The following KIRREL3 variants were observed in gnomAD, a reference collection of about 807,000 sequenced individuals.
KIRREL3 encodes the protein kin of IRRE-like protein 3.
Under a neutral mutation model 89.7 loss-of-function variants are expected in KIRREL3, and 36 were observed. That is an observed-to-expected ratio of 0.40 (90% confidence interval 0.31 to 0.53). The LOEUF (loss-of-function observed/expected upper bound fraction) is 0.53, where lower values mean the gene tolerates loss of function less well. KIRREL3 is among the 20% of genes least tolerant of loss of function. The probability of loss-of-function intolerance (pLI) is 0.49; values close to 1 mark genes in which losing one functional copy is unlikely to be tolerated. For missense variants in KIRREL3, 864 were observed against 1,056.6 expected, an observed-to-expected ratio of 0.82 and a Z score of 2.53; for synonymous variants, 445 against 441.4, an observed-to-expected ratio of 1.01 and a Z score of -0.10.
intron 4 of KIRREL3, among the ~76,000 whole-genome samples, chr11:126,505,281 G>A (rs942189965): frequency 6.6e-6 from 1 of 152,194 alleles, no homozygotes; most frequent in African/African-American, 2.4e-5. Context: ...TAAAAAATGT[G>A]TTTATCAGCC....
rs1958722471 is a variant in KIRREL3, at chr11:126,525,521, A to G, written c.283+1017T>C. 6.6e-6 allele frequency among the ~76,000 whole-genome samples: 1 copy of G among 152,252 alleles called. No homozygotes were observed. Among genetic ancestry groups the G allele is most frequent in the Admixed American group, 6.5e-5 (1 of 15,292 alleles). ...TTTCAATATACATTTTTGGCAAGAC[A>G]TAACTCACATTTAAAAATATTAATT... On this transcript the variant is annotated intron_variant, in intron 3 of 16. Transcript: ENST00000525144. The surrounding 1 kb of genome is among the most constrained non-coding windows in gnomAD (Gnocchi z 5.4).
rs1950225234 is a variant in KIRREL3, at chr11:126,778,205, T to C, written c.56-215293A>G. ...TATATTCATGAGATTCACATGCACA[T>C]ATTTTTTCTTTTTAATTAAAATGGG... On this transcript the variant is annotated intron_variant, in intron 1 of 16. Coordinates refer to ENST00000525144, the MANE Select transcript of KIRREL3 (RefSeq NM_032531.4). The surrounding 1 kb of genome is among the most constrained non-coding windows in gnomAD (Gnocchi z 4.5). Among the ~76,000 whole-genome samples, 1 of 152,238 alleles carries C rather than the reference T, an allele frequency of 6.6e-6. No individual in the cohort carries two copies. The highest frequency in any genetic ancestry group is 2.1e-4 in the South Asian group (1 of 4,836).
In KIRREL3 at chr11:126,578,868, T is replaced by C. The variant is rs1941393740; in HGVS notation, c.56-15956A>G. Among the ~76,000 whole-genome samples the C allele has an allele frequency of 6.6e-6, 1 of 152,140 alleles. No homozygotes were observed. Among genetic ancestry groups the C allele is most frequent in the South Asian group, 2.1e-4 (1 of 4,824 alleles). ...AAAATAAGCCATCACGTATTGACCA[T>C]CTGTCAGCAAGTATCTACCCTGCAA... is the stretch of plus-strand genomic sequence containing the variant. On this transcript the variant is annotated intron_variant, in intron 1 of 16. Coordinates refer to ENST00000525144, the MANE Select transcript of KIRREL3 (RefSeq NM_032531.4). The surrounding 1 kb of genome is among the most constrained non-coding windows in gnomAD (Gnocchi z 4.9).
intron 4 of KIRREL3, among the ~76,000 whole-genome samples, chr11:126,493,361 G>A (rs112748295): frequency 0.02 from 2,980 of 147,572 alleles, 107 homozygotes; most frequent in African/African-American, 0.069. Context: ...CTCTACTAAA[G>A]ATACAAAAAA....
In KIRREL3 at chr11:126,558,315, C is replaced by T. The variant is rs1281966299; in HGVS notation, c.133+4520G>A. Among the ~76,000 whole-genome samples, 1 of 152,212 alleles carries T rather than the reference C, an allele frequency of 6.6e-6. No individual in the cohort carries two copies. The highest frequency in any genetic ancestry group is 1.5e-5 in the Non-Finnish European group (1 of 68,048). On this transcript the variant is annotated intron_variant, in intron 2 of 16. Transcript: ENST00000525144. This position sits in a 1 kb window ranked among gnomAD's most constrained non-coding sequence, Gnocchi z 4.0. ...GGTCTGTGTCCCTCACTCCAGGTCT[C>T]CCCTGATTTTCTGCAAATCAACTCA...
intron 1 of KIRREL3, among the ~76,000 whole-genome samples, chr11:126,749,930 A>T (rs1295599072): frequency 6.6e-6 from 1 of 152,110 alleles, no homozygotes; most frequent in African/African-American, 2.4e-5. Flanking sequence ...TAGAGAAACC[A>T]GTGCGCGTTT....
In KIRREL3 at chr11:126,639,889, T is replaced by C. The variant is rs1944404063; in HGVS notation, c.56-76977A>G. 6.6e-6 allele frequency among the ~76,000 whole-genome samples: 1 copy of C among 152,220 alleles called. No homozygotes were observed. Among genetic ancestry groups the C allele is most frequent in the Non-Finnish European group, 1.5e-5 (1 of 68,044 alleles). ...CGCTTCATGGCCATCCAATCCAATC[T>C]GGCTTGTAGAATAGAAAGGCCACTT... On this transcript the variant is annotated intron_variant, in intron 1 of 16. Transcript: ENST00000525144. This position sits in a 1 kb window ranked among gnomAD's most constrained non-coding sequence, Gnocchi z 4.3.
chr11:126,549,077 A>AT (rs1939049053), intron 2 of KIRREL3, among the ~76,000 whole-genome samples: 1 of 152,174 alleles, frequency 6.6e-6, no homozygotes, highest in Non-Finnish European at 1.5e-5. Flanking sequence ...AGTACTAAGA[A>AT]TAGTGGTTAT....
rs1950102924 is a variant in KIRREL3 at position 126,993,655 on chromosome 11, G to A, written c.55+6800C>T. Among the ~76,000 whole-genome samples the A allele has an allele frequency of 6.6e-6, 1 of 152,220 alleles. No homozygotes were observed. The highest frequency in any genetic ancestry group is 1.5e-5 in the Non-Finnish European group (1 of 68,036). ...CATTATCTTTGCATCAAAAGCCCCA[G>A]CACAGTGCCTACTGCATAGGAGGCC... On this transcript the variant is annotated intron_variant, in intron 1 of 16. Coordinates refer to ENST00000525144, the MANE Select transcript of KIRREL3 (RefSeq NM_032531.4). This position sits in a 1 kb window ranked among gnomAD's most constrained non-coding sequence, Gnocchi z 6.1.
chr11:126,546,404 G>A (rs1429190558), intron 2 of KIRREL3, among the ~76,000 whole-genome samples: 6 of 152,186 alleles, frequency 3.9e-5, no homozygotes, highest in Admixed American at 3.3e-4. Flanking sequence ...ACCCTGGACA[G>A]CTCCCAATCT....
chr11:126,773,005 G>A lies in KIRREL3; in HGVS notation c.56-210093C>T, dbSNP rs1028994961. 4.6e-5 allele frequency among the ~76,000 whole-genome samples: 7 copies of A among 152,190 alleles called. No individual in the cohort carries two copies. The highest frequency in any genetic ancestry group is 7.3e-5 in the Non-Finnish European group (5 of 68,046). The stretch of plus-strand genomic sequence containing the variant: ...AACATTTAGTGACATCAGTGATCTT[G>A]TGAAAGCCACTAAAGGTATCATGGT... On this transcript the variant is annotated intron_variant, in intron 1 of 16. Coordinates refer to ENST00000525144, the MANE Select transcript of KIRREL3 (RefSeq NM_032531.4). This position sits in a 1 kb window ranked among gnomAD's most constrained non-coding sequence, Gnocchi z 4.2.
chr11:126,980,971 T>C (rs987978343), intron 1 of KIRREL3, among the ~76,000 whole-genome samples: 9 of 152,184 alleles, frequency 5.9e-5, no homozygotes, highest in Admixed American at 3.3e-4. Flanking sequence ...TAAAATAATT[T>C]TGAGATCACT....
chr11:126,450,467 A>ATG (rs1325129174), intron 7 of KIRREL3, among the ~76,000 whole-genome samples: 1 of 119,056 alleles, frequency 8.4e-6, no homozygotes, highest in Admixed American at 8.2e-5. Context: ...GAGTGTGTGA[A>ATG]TGTGTGCATG....
rs191891933 is a variant in KIRREL3 at position 126,705,174 on chromosome 11, C to A, written c.56-142262G>T. Among the ~76,000 whole-genome samples the A allele has an allele frequency of 3.3e-5, 5 of 152,110 alleles. No homozygotes were observed. The highest frequency in any genetic ancestry group is 1.9e-4 in the East Asian group (1 of 5,196). ...AGATGTCAGTCCTTTTCTACTCGTG[C>A]CAAAATTATAAACAGTTTATTTGCA... On this transcript the variant is annotated intron_variant, in intron 1 of 16. Transcript: ENST00000525144. The surrounding 1 kb of genome is among the most constrained non-coding windows in gnomAD (Gnocchi z 4.3).
At chr11:126,559,494 C>T (rs1457527037) in intron 2 of KIRREL3, among the ~76,000 whole-genome samples, 1 of 152,190 alleles carries the variant, frequency 6.6e-6, no homozygotes, top group Non-Finnish European at 1.5e-5. Context: ...TAAATAATCA[C>T]ACATCATGAT....
At position 126,626,434 on chromosome 11, in the gene KIRREL3, A is replaced by G. The variant is rs190763519; in HGVS notation, c.56-63522T>C. Reference sequence around the variant, plus strand: ...ATTCAGTAACCAGCATGGCATGTGCATGGGTCAGTCAGAATGCACACAGGC... The same window carrying G: ...ATTCAGTAACCAGCATGGCATGTGCGTGGGTCAGTCAGAATGCACACAGGC... On this transcript the variant is annotated intron_variant, in intron 1 of 16. Coordinates refer to ENST00000525144, the MANE Select transcript of KIRREL3 (RefSeq NM_032531.4). Among the ~76,000 whole-genome samples, 4 of 152,344 alleles carry G rather than the reference A, an allele frequency of 2.6e-5. No homozygotes were observed. In the East Asian group the frequency reaches 5.8e-4, roughly 22 times the overall value.
chr11:126,629,092 A>C (rs555956542), intron 1 of KIRREL3, among the ~76,000 whole-genome samples: 1 of 151,830 alleles, frequency 6.6e-6, no homozygotes, highest in Non-Finnish European at 1.5e-5. Context: ...CCTCCCCCCA[A>C]CCCCTGCCAA....
chr11:126,605,278 G>A lies in KIRREL3; in HGVS notation c.56-42366C>T, dbSNP rs1444180935. 6.6e-6 allele frequency among the ~76,000 whole-genome samples: 1 copy of A among 152,194 alleles called. No individual in the cohort carries two copies. Among genetic ancestry groups the A allele is most frequent in the Admixed American group, 6.5e-5 (1 of 15,282 alleles). On this transcript the variant is annotated intron_variant, in intron 1 of 16. Coordinates refer to ENST00000525144, the MANE Select transcript of KIRREL3 (RefSeq NM_032531.4). The surrounding 1 kb of genome is among the most constrained non-coding windows in gnomAD (Gnocchi z 5.7). Reference sequence around the variant, plus strand: ...TAGTCACTGCCAGGATTCCAGGCAGGTATAATGTGCTGCACTTAATGTAGA... The same window carrying A: ...TAGTCACTGCCAGGATTCCAGGCAGATATAATGTGCTGCACTTAATGTAGA...
chr11:126,549,438 G>T (rs1273889663), intron 2 of KIRREL3: 1 of 152,166 alleles, frequency 6.6e-6, no homozygotes, highest in Non-Finnish European at 1.5e-5. Context: ...GCTCCTTCAG[G>T]TTTTTATTGA....
Sources: gnomAD v4.1 joint callset for allele counts (sites outside exome capture counted in the v4.1 genomes callset) on GRCh38, gnomAD v4.1.1 for gene constraint, Gnocchi (gnomAD v3.1) non-coding constraint, MANE v1.5 for transcripts, NCBI Gene and HGNC (gene_info 2026-07-23, HGNC 2026-07-21) for gene names.